EEFSEC: variants seen among roughly 807,000 people sequenced by gnomAD.
EEFSEC encodes the protein selenocysteine-specific elongation factor.
EEFSEC carries 43 observed loss-of-function variants against 42.1 expected under a neutral mutation model. The ratio of observed to expected loss-of-function variants is 1.02; its 90% confidence interval spans 0.80 to 1.32. The LOEUF (loss-of-function observed/expected upper bound fraction) is 1.32. Ranked by LOEUF, EEFSEC falls within the 40% of genes most tolerant of loss-of-function variation. The pLI, the probability that EEFSEC is intolerant of heterozygous loss-of-function variation, is 0.00. For synonymous variants in EEFSEC, 354 were observed against 339.1 expected (o/e 1.04, Z -0.48); for missense variants, 745 against 803.6 (o/e 0.93, Z 0.88).
intron 4 of EEFSEC, among the ~76,000 whole-genome samples, chr3:128,267,618 G>A (rs967920319): frequency 9.8e-5 from 15 of 152,298 alleles, no homozygotes; most frequent in African/African-American, 2.2e-4. Context: ...AGAAATCAGC[G>A]CTTGATGATT....
intron 6 of EEFSEC, among the ~76,000 whole-genome samples, chr3:128,394,806 G>C (rs1167490051): frequency 6.6e-6 from 1 of 152,216 alleles, no homozygotes; most frequent in African/African-American, 2.4e-5. Context: ...GGAAGGGGCA[G>C]GCTGGGGTGA....
At chr3:128,157,743 C>T (rs757126161) in intron 1 of EEFSEC, among the ~76,000 whole-genome samples, 14 of 152,198 alleles carry the variant, frequency 9.2e-5, no homozygotes, top group Non-Finnish European at 1.8e-4. Flanking sequence ...GTTGATAATG[C>T]ACCTGGTCAC....
chr3:128,320,067 C>T (rs988031429), intron 4 of EEFSEC, among the ~76,000 whole-genome samples: 10 of 152,258 alleles, frequency 6.6e-5, no homozygotes, highest in South Asian at 2.1e-4. Context: ...CAGGAGTCAG[C>T]GCACTGCAGC....
At chr3:128,351,556 C>G (rs994443249) in intron 5 of EEFSEC, among the ~76,000 whole-genome samples, 1 of 152,218 alleles carries the variant, frequency 6.6e-6, no homozygotes, top group African/African-American at 2.4e-5. Context: ...TTTCATGGCA[C>G]GTTTGCCTGC....
At chr3:128,163,828 GCCT>G (rs2065217028) in intron 1 of EEFSEC, among the ~76,000 whole-genome samples, 2 of 151,444 alleles carry the variant, frequency 1.3e-5, no homozygotes, top group Admixed American at 1.3e-4. Context: ...CTTTTGCTTG[GCCT>G]CCTATGTTGC....
chr3:128,322,096 C>A (rs2067013906), intron 4 of EEFSEC, among the ~76,000 whole-genome samples: 1 of 152,224 alleles, frequency 6.6e-6, no homozygotes, highest in Admixed American at 6.5e-5. Flanking sequence ...TGGTACCCCT[C>A]TATAGCAGGA....
At chr3:128,248,219 C>T (rs1409658777) in intron 2 of EEFSEC, among the ~76,000 whole-genome samples, 1 of 152,232 alleles carries the variant, frequency 6.6e-6, no homozygotes, top group Non-Finnish European at 1.5e-5. Flanking sequence ...GACAGGGATG[C>T]TTCCTCTTTG....
chr3:128,301,736 A>AG (rs1479311784), intron 4 of EEFSEC, among the ~76,000 whole-genome samples: 2 of 152,054 alleles, frequency 1.3e-5, no homozygotes, highest in African/African-American at 4.8e-5. Flanking sequence ...AGAAGTCCTG[A>AG]GGGGTGAGCC....
intron 2 of EEFSEC, 143 bp from the exon 3 acceptor site, chr3:128,261,984 TG>T (rs1187157685): frequency 1.4e-6 from 1 of 740,116 alleles, no homozygotes; most frequent in Non-Finnish European, 2.3e-6. Flanking sequence ...GCTAGTACAG[TG>T]GTGCTGTCTT....
chr3:128,416,869 A>C, the EEFSEC span, among the ~76,000 whole-genome samples: 1 of 152,044 alleles, frequency 6.6e-6, no homozygotes, highest in East Asian at 1.9e-4. Context: ...CCCTGGATCC[A>C]GCTATGCCTG....
intron 4 of EEFSEC, among the ~76,000 whole-genome samples, chr3:128,292,338 G>T (rs1306407915): frequency 6.6e-6 from 1 of 151,940 alleles, no homozygotes; most frequent in Admixed American, 6.6e-5. Context: ...CTCATAAAAA[G>T]AGAAGAAGTT....
At chr3:128,193,926 A>G (rs890101182) in intron 1 of EEFSEC, among the ~76,000 whole-genome samples, 12 of 152,234 alleles carry the variant, frequency 7.9e-5, no homozygotes, top group Admixed American at 2.0e-4. Flanking sequence ...AGTGAGAATG[A>G]GCCATGAAGG....
the EEFSEC span, among the ~76,000 whole-genome samples, chr3:128,425,169 C>T: frequency 6.6e-6 from 1 of 152,354 alleles, no homozygotes; most frequent in East Asian, 1.9e-4. Context: ...ATGCTTCATG[C>T]CCCTGTGAAA....
intron 4 of EEFSEC, among the ~76,000 whole-genome samples, chr3:128,320,509 G>C (rs2066995675): frequency 6.6e-6 from 1 of 152,184 alleles, no homozygotes; most frequent in South Asian, 2.1e-4. Flanking sequence ...ACTTAGAGAG[G>C]TGACATCCCT....
chr3:128,394,419 C>T (rs1576699597), intron 6 of EEFSEC, among the ~76,000 whole-genome samples: 1 of 152,004 alleles, frequency 6.6e-6, no homozygotes, highest in African/African-American at 2.4e-5. Flanking sequence ...GGCCTTTGTT[C>T]GCCTTCATTA....
At chr3:128,423,576 A>G in the EEFSEC span, among the ~76,000 whole-genome samples, 1 of 152,228 alleles carries the variant, frequency 6.6e-6, no homozygotes, top group Non-Finnish European at 1.5e-5. Flanking sequence ...AAAGAAACCA[A>G]TCGTGAAAGG....
chr3:128,404,389 A>G (rs2068085121), intron 6 of EEFSEC, among the ~76,000 whole-genome samples: 1 of 152,230 alleles, frequency 6.6e-6, no homozygotes, highest in Admixed American at 6.5e-5. Context: ...AGTGCGAGGT[A>G]TGCATTGTGT....
intron 2 of EEFSEC, among the ~76,000 whole-genome samples, chr3:128,251,050 AT>A (rs2066181832): frequency 1.3e-5 from 2 of 151,076 alleles, no homozygotes; most frequent in South Asian, 4.2e-4. Context: ...TGGATTGTTC[AT>A]TGCTGGTGGA....
chr3:128,300,141 A>T (rs2066751205), intron 4 of EEFSEC, among the ~76,000 whole-genome samples: 1 of 152,146 alleles, frequency 6.6e-6, no homozygotes. Flanking sequence ...TGGCCTAGAG[A>T]TTCTGGAACA....
Sources: gnomAD v4.1 joint callset for allele counts (sites outside exome capture counted in the v4.1 genomes callset) on GRCh38, gnomAD v4.1.1 for gene constraint, MANE v1.5 for transcripts, NCBI Gene and HGNC (gene_info 2026-07-23, HGNC 2026-07-21) for gene names.